CRACR2A: variants seen among roughly 807,000 people sequenced by gnomAD.
CRACR2A encodes EF-hand calcium-binding domain-containing protein 4B.
Under a neutral mutation model 90.5 loss-of-function variants are expected in CRACR2A, and 79 were observed. The observed-to-expected ratio is 0.87, with a 90% CI of 0.73 to 1.05. The LOEUF (loss-of-function observed/expected upper bound fraction) is 1.05. CRACR2A is among the 50% of genes least tolerant of loss of function. The probability of loss-of-function intolerance (pLI) is 0.00; values close to 1 mark genes in which losing one functional copy is unlikely to be tolerated. For missense variants in CRACR2A, 823 were observed against 897.2 expected (o/e 0.92, Z 1.06); for synonymous variants, 338 against 356.7 (o/e 0.95, Z 0.59).
At chr12:3,700,099 T>C (rs980328069) in intron 3 of CRACR2A, among the ~76,000 whole-genome samples, 1 of 152,082 alleles carries the variant, frequency 6.6e-6, no homozygotes, top group Non-Finnish European at 1.5e-5. Context: ...TTGAGCTGAG[T>C]GAAGCCCCTA....
intron 1 of CRACR2A, among the ~76,000 whole-genome samples, chr12:3,739,116 A>G (rs182304335): frequency 6.6e-6 from 1 of 152,348 alleles, no homozygotes; most frequent in Non-Finnish European, 1.5e-5. Context: ...AAACAGAAAA[A>G]GACAGAATCT....
At chr12:3,745,208 G>A (rs1025431574) in intron 1 of CRACR2A, among the ~76,000 whole-genome samples, 21 of 152,158 alleles carry the variant, frequency 1.4e-4, no homozygotes. Flanking sequence ...CAGAAGACCC[G>A]AAAACCAAAA....
chr12:3,653,145 G>A (rs1254315763), intron 10 of CRACR2A, among the ~76,000 whole-genome samples: 1 of 152,108 alleles, frequency 6.6e-6, no homozygotes, highest in African/African-American at 2.4e-5. Flanking sequence ...ATCATGCCTG[G>A]CTAATTTTTG....
chr12:3,682,490 TGTCA>T (rs1269501393), intron 4 of CRACR2A, among the ~76,000 whole-genome samples: 1 of 152,184 alleles, frequency 6.6e-6, no homozygotes, highest in Non-Finnish European at 1.5e-5. Flanking sequence ...CTCCTCCCAT[TGTCA>T]GCAAAGATGG....
At chr12:3,669,419 G>A (rs74332025) in intron 7 of CRACR2A, among the ~76,000 whole-genome samples, 4,953 of 152,250 alleles carry the variant, frequency 0.033, 125 homozygotes, top group Middle Eastern at 0.085. Context: ...GAAGACCTCC[G>A]CACATCTGCA....
Position 3,678,950 on chromosome 12 carries a change from C to A in CRACR2A, c.489G>T (p.Leu163=), listed in dbSNP as rs369396263. Residue 163 remains leucine, a synonymous_variant, in exon 6 of 20, where the codon CTG becomes CTT. Transcript: ENST00000440314. ...GEDEEAQFRM[L]MDRLGAQKVL... is the part of the protein sequence containing the mutation. Reference sequence around the variant, plus strand: ...CCTTTTGGGCTCCAAGTCTGTCCATCAGCATCCGGAACTGGGCTTCCTCAT... The same window carrying A: ...CCTTTTGGGCTCCAAGTCTGTCCATAAGCATCCGGAACTGGGCTTCCTCAT... 2.5e-6 allele frequency: 4 copies of A among 1,612,830 alleles called. No individual in the cohort carries two copies. The highest frequency in any genetic ancestry group is 3.4e-6 in the Non-Finnish European group (4 of 1,179,544).
intron 7 of CRACR2A, among the ~76,000 whole-genome samples, chr12:3,661,308 G>A (rs941449218): frequency 9.2e-5 from 14 of 152,158 alleles, no homozygotes; most frequent in African/African-American, 2.9e-4. Flanking sequence ...CCATGGTCAG[G>A]GGCATTGATC....
At chr12:3,694,441 C>A (rs1220930926) in intron 4 of CRACR2A, among the ~76,000 whole-genome samples, 1 of 152,134 alleles carries the variant, frequency 6.6e-6, no homozygotes, top group East Asian at 1.9e-4. Flanking sequence ...AGTTCTTTCC[C>A]TTCCAGTTCC....
At chr12:3,747,887 C>CTACGAG (rs1565512356) in intron 1 of CRACR2A, among the ~76,000 whole-genome samples, 2 of 151,782 alleles carry the variant, frequency 1.3e-5, no homozygotes, top group African/African-American at 4.9e-5. Context: ...CAGGGGTGCA[C>CTACGAG]CCAGAAGGGC....
At chr12:3,655,978 G>T (rs1417537613) in intron 9 of CRACR2A, among the ~76,000 whole-genome samples, 1 of 152,144 alleles carries the variant, frequency 6.6e-6, no homozygotes, top group Non-Finnish European at 1.5e-5. Context: ...TTGTACCTCA[G>T]CATTCCCCTC....
At position 3,648,609 on chromosome 12, in the gene CRACR2A, C is replaced by T; in HGVS notation, c.1051G>A (p.Val351Met). 1 of 1,613,634 alleles carries T rather than the reference C, an allele frequency of 6.2e-7. No individual in the cohort carries two copies. Among genetic ancestry groups the T allele is most frequent in the East Asian group, 2.2e-5 (1 of 44,864 alleles). Residue 351 changes from valine to methionine, a missense_variant, in exon 11 of 20, where the codon GTG (valine) becomes ATG (methionine). Val to Met is a conservative substitution (Grantham distance 21, BLOSUM62 1). Transcript: ENST00000440314. Reference protein sequence around the residue: ...CKLHQEKEMEVYRVTESLQRE... With the variant: ...CKLHQEKEMEMYRVTESLQRE... Reference sequence around the variant, plus strand: ...TGTAGACTCTCCGTCACACGGTACACTTCCCTGAGGAGGAGGCAAACACAT... The same window carrying T: ...TGTAGACTCTCCGTCACACGGTACATTTCCCTGAGGAGGAGGCAAACACAT...
intron 2 of CRACR2A, 30 bp from the exon 3 acceptor site, chr12:3,713,347 CT>C (rs1275815823): frequency 2.0e-6 from 2 of 976,066 alleles, no homozygotes; most frequent in African/African-American, 1.8e-5. Context: ...TGAATCACAC[CT>C]TATTTTCCAC....
At chr12:3,661,534 A>G (rs1410571015) in intron 7 of CRACR2A, among the ~76,000 whole-genome samples, 3 of 152,286 alleles carry the variant, frequency 2.0e-5, no homozygotes, top group Non-Finnish European at 2.9e-5. Context: ...TAAATGACCA[A>G]TGTTTGGGAT....
chr12:3,722,332 A>G (rs1264463892), intron 2 of CRACR2A, among the ~76,000 whole-genome samples: 1 of 152,212 alleles, frequency 6.6e-6, no homozygotes, highest in East Asian at 1.9e-4. Flanking sequence ...AATTGTCTTA[A>G]TTGACCCTAC....
chr12:3,725,235 G>A (rs1946242516), intron 2 of CRACR2A, among the ~76,000 whole-genome samples: 1 of 152,156 alleles, frequency 6.6e-6, no homozygotes, highest in Admixed American at 6.5e-5. Flanking sequence ...TCAAAAACCA[G>A]GTGTCTTAAA....
chr12:3,667,042 T>C (rs1432365107), intron 7 of CRACR2A, among the ~76,000 whole-genome samples: 1 of 152,234 alleles, frequency 6.6e-6, no homozygotes, highest in Non-Finnish European at 1.5e-5. Context: ...TCTGATTGCA[T>C]GTGTCTTTGG....
At chr12:3,684,790 T>C (rs1197196461) in intron 4 of CRACR2A, among the ~76,000 whole-genome samples, 1 of 152,216 alleles carries the variant, frequency 6.6e-6, no homozygotes, top group Non-Finnish European at 1.5e-5. Context: ...TGCTTGCGCT[T>C]GTGCCCAGAG....
intron 3 of CRACR2A, among the ~76,000 whole-genome samples, chr12:3,697,422 T>A (rs1268092620): frequency 6.6e-6 from 1 of 152,194 alleles, no homozygotes; most frequent in Non-Finnish European, 1.5e-5. Context: ...TATATACATT[T>A]TTTTCATGTA....
chr12:3,743,564 C>T (rs1946563393), intron 1 of CRACR2A, among the ~76,000 whole-genome samples: 1 of 152,168 alleles, frequency 6.6e-6, no homozygotes. Flanking sequence ...GTGCAGGTGT[C>T]TATACCGGGA....
Sources: gnomAD v4.1 joint callset for allele counts (sites outside exome capture counted in the v4.1 genomes callset) on GRCh38, gnomAD v4.1.1 for gene constraint, MANE v1.5 for transcripts, NCBI Gene and HGNC (gene_info 2026-07-23, HGNC 2026-07-21) for gene names.